The following LRBA variants were observed in gnomAD, a reference collection of about 807,000 sequenced individuals.
LRBA encodes lipopolysaccharide-responsive and beige-like anchor protein.
A neutral mutation model predicts 330.0 loss-of-function variants in LRBA; 176 were observed. The observed-to-expected ratio is 0.53, with a 90% CI of 0.47 to 0.60. LRBA has a LOEUF of 0.60. Among genes scored for constraint, LRBA ranks in the 20% least tolerant of loss-of-function variants. The pLI is 0.00. For synonymous variants in LRBA, 1,230 were observed against 1,193.0 expected (o/e 1.03, Z -0.64); for missense variants, 3,259 against 3,444.8 (o/e 0.95, Z 1.35).
intron 4 of LRBA, 59 bp downstream of exon 4, chr4:150,928,457 A>G: frequency 3.1e-6 from 3 of 981,994 alleles, no homozygotes; most frequent in Non-Finnish European, 4.8e-6. Context: ...TTTACAAGCT[A>G]CGAATGTGTT....
intron 40 of LRBA, among the ~76,000 whole-genome samples, chr4:150,556,820 T>C (rs1767381750): frequency 1.3e-5 from 2 of 152,332 alleles, no homozygotes; most frequent in African/African-American, 4.8e-5. Context: ...CCTAAATGTC[T>C]TGCAATGTTT....
chr4:150,280,803 C>T (rs1045120183), intron 55 of LRBA, among the ~76,000 whole-genome samples: 1 of 152,208 alleles, frequency 6.6e-6, no homozygotes, highest in Non-Finnish European at 1.5e-5. Flanking sequence ...TTCCTCGCCT[C>T]CCGAGGTAGT....
intron 2 of LRBA, among the ~76,000 whole-genome samples, chr4:151,006,730 C>A (rs1744112384): frequency 6.6e-6 from 1 of 152,208 alleles, no homozygotes; most frequent in South Asian, 2.1e-4. Flanking sequence ...CAAATGATTT[C>A]TCAGTTTAAA....
At chr4:150,635,696 T>C (rs1777823776) in intron 37 of LRBA, among the ~76,000 whole-genome samples, 1 of 152,196 alleles carries the variant, frequency 6.6e-6, no homozygotes, top group Non-Finnish European at 1.5e-5. Context: ...AACAAGGACT[T>C]TGTTCTACAT....
chr4:150,526,170 C>T (rs1763453144), intron 40 of LRBA, among the ~76,000 whole-genome samples: 1 of 152,164 alleles, frequency 6.6e-6, no homozygotes, highest in African/African-American at 2.4e-5. Flanking sequence ...AGAGTACATT[C>T]CTTTTGTACA....
At chr4:150,912,732 C>T (rs1732152190) in intron 9 of LRBA, among the ~76,000 whole-genome samples, 1 of 152,126 alleles carries the variant, frequency 6.6e-6, no homozygotes, top group Non-Finnish European at 1.5e-5. Context: ...TCATTTCCTT[C>T]TATCTGCTAA....
chr4:150,595,796 G>C (rs563581609), intron 38 of LRBA, among the ~76,000 whole-genome samples: 1 of 151,938 alleles, frequency 6.6e-6, no homozygotes, highest in South Asian at 2.1e-4. Context: ...TATCTGTAAA[G>C]AATAAAGTTA....
intron 24 of LRBA, 34 bp from the exon 25 acceptor site, chr4:150,849,609 C>T (rs1750355489): frequency 6.4e-7 from 1 of 1,574,056 alleles, no homozygotes; most frequent in South Asian, 1.1e-5. Context: ...ACTGATAAAG[C>T]TAAAGAAAGG....
intron 40 of LRBA, among the ~76,000 whole-genome samples, chr4:150,578,677 T>C (rs79284002): frequency 0.019 from 2,970 of 152,324 alleles, 56 homozygotes; most frequent in South Asian, 0.028. Context: ...ATCCTCATAT[T>C]TTAGTTTATA....
At position 150,896,543 on chromosome 4, in the gene LRBA, C is replaced by T. The variant is rs982857767; in HGVS notation, c.2005-87G>A. ...ATACACATAGATTTGTCAAGTTGGT[C>T]AGCTACTATAAATATAAAAATATAA... On this transcript the variant is annotated intron_variant, in intron 15 of 56. Transcript: ENST00000651943. 1.3e-5 allele frequency: 9 copies of T among 692,968 alleles called. No individual in the cohort carries two copies. The African/African-American group carries it at 1.5e-4, about 12-fold the overall frequency. 42.9% of individuals were successfully genotyped at this position (692,968 alleles called of 1,614,324 possible).
intron 16 of LRBA, among the ~76,000 whole-genome samples, chr4:150,893,866 G>A (rs1035903900): frequency 2.0e-4 from 30 of 151,794 alleles, no homozygotes; most frequent in African/African-American, 6.8e-4. Context: ...TATTAGAGAC[G>A]GGGTTTCACC....
At chr4:150,353,155 A>T (rs945731765) in intron 47 of LRBA, among the ~76,000 whole-genome samples, 3 of 152,106 alleles carry the variant, frequency 2.0e-5, no homozygotes, top group Admixed American at 1.3e-4. Flanking sequence ...TTAGCATATA[A>T]TATCTCTGAG....
At chr4:150,802,111 T>C (rs1256816464) in intron 33 of LRBA, among the ~76,000 whole-genome samples, 1 of 151,304 alleles carries the variant, frequency 6.6e-6, no homozygotes, top group Non-Finnish European at 1.5e-5. Flanking sequence ...TCCCAACTAC[T>C]TGAGAGGCTA....
chr4:150,727,067 GT>G (rs34671398), intron 36 of LRBA, among the ~76,000 whole-genome samples: 2,570 of 79,444 alleles, frequency 0.032, 9 homozygotes, highest in African/African-American at 0.12. Flanking sequence ...ACATTTCGTT[GT>G]TTTTTTTTTT....
chr4:150,927,999 G>A (rs1257969567), intron 4 of LRBA, among the ~76,000 whole-genome samples: 1 of 152,048 alleles, frequency 6.6e-6, no homozygotes, highest in Admixed American at 6.6e-5. Context: ...CTCTTCAATG[G>A]GACAGATAAC....
intron 34 of LRBA, among the ~76,000 whole-genome samples, chr4:150,778,308 G>C (rs557676653): frequency 6.6e-6 from 1 of 152,120 alleles, no homozygotes; most frequent in African/African-American, 2.4e-5. Flanking sequence ...AATATTACAG[G>C]TCAGTTAGTA....
At chr4:150,734,281 A>G (rs1446960305) in intron 36 of LRBA, among the ~76,000 whole-genome samples, 10 of 152,026 alleles carry the variant, frequency 6.6e-5, no homozygotes, top group Admixed American at 6.6e-4. Flanking sequence ...AAAGTAAACA[A>G]TTTTGTAATT....
chr4:150,765,603 A>G (rs1282685398), intron 34 of LRBA, among the ~76,000 whole-genome samples: 2 of 152,120 alleles, frequency 1.3e-5, no homozygotes, highest in African/African-American at 2.4e-5. Context: ...TAGTAATAAA[A>G]AAGTATTTAC....
At chr4:150,949,169 T>C (rs547424217) in intron 2 of LRBA, among the ~76,000 whole-genome samples, 3 of 152,224 alleles carry the variant, frequency 2.0e-5, no homozygotes, top group Admixed American at 6.5e-5. Context: ...TTGTTGGTAA[T>C]AGCCAAAAAG....
Sources: allele counts gnomAD v4.1 joint callset (sites outside exome capture counted in the v4.1 genomes callset), GRCh38; gene constraint gnomAD v4.1.1; transcripts MANE v1.5; gene names NCBI Gene and HGNC (gene_info 2026-07-23, HGNC 2026-07-21).